AMOTL1: variants seen among roughly 807,000 people sequenced by gnomAD.
AMOTL1 encodes angiomotin-like protein 1.
In AMOTL1, 45 loss-of-function variants were observed where a neutral mutation model predicts 102.9. That is an observed-to-expected ratio of 0.44 (90% CI 0.34 to 0.56). AMOTL1 has a LOEUF of 0.56. AMOTL1 is among the 20% of genes least tolerant of loss of function. The pLI, the probability that AMOTL1 is intolerant of heterozygous loss-of-function variation, is 0.01. For synonymous variants in AMOTL1, 481 were observed against 484.7 expected (o/e 0.99, Z 0.10); for missense variants, 1,114 against 1,225.6 (o/e 0.91, Z 1.36).
chr11:94,751,351 C>T (rs1388475098), intron 3 of AMOTL1, among the ~76,000 whole-genome samples: 1 of 152,030 alleles, frequency 6.6e-6, no homozygotes, highest in South Asian at 2.1e-4. Flanking sequence ...CTGCCCTTTC[C>T]ATCCATTCAT....
At chr11:94,813,833 C>G (rs1054385830) in intron 3 of AMOTL1, among the ~76,000 whole-genome samples, 2 of 152,182 alleles carry the variant, frequency 1.3e-5, no homozygotes, top group African/African-American at 4.8e-5. Context: ...CTGGCTAAAT[C>G]CTACAATAAT....
chr11:94,837,768 A>G lies in AMOTL1; in HGVS notation c.1648+6227A>G, dbSNP rs77794338. ...ATGTGTTGATGTCTGGCCTTTAACAACTACACATGGGTTATGATTTTCACG... is the reference window on the plus strand; with the variant it reads ...ATGTGTTGATGTCTGGCCTTTAACAGCTACACATGGGTTATGATTTTCACG... On this transcript the variant is annotated intron_variant, in intron 6 of 12. Transcript: ENST00000433060. 3.5e-3 allele frequency among the ~76,000 whole-genome samples: 537 copies of G among 152,278 alleles called. 9 individuals are homozygous for G. The highest frequency in any genetic ancestry group is 0.012 in the African/African-American group (484 of 41,568).
intron 10 of AMOTL1, among the ~76,000 whole-genome samples, chr11:94,865,399 A>T (rs1952860652): frequency 6.6e-6 from 1 of 152,198 alleles, no homozygotes; most frequent in South Asian, 2.1e-4. Context: ...TATTTTGCAG[A>T]TGTGAAAATA....
At chr11:94,848,232 T>C (rs1401452897) in intron 6 of AMOTL1, among the ~76,000 whole-genome samples, 3 of 152,184 alleles carry the variant, frequency 2.0e-5, no homozygotes, top group Non-Finnish European at 4.4e-5. Context: ...TTTAGGTCTC[T>C]CACATGCCTG....
intron 3 of AMOTL1, among the ~76,000 whole-genome samples, chr11:94,817,913 T>C (rs950178374): frequency 3.3e-5 from 5 of 152,244 alleles, no homozygotes; most frequent in African/African-American, 1.2e-4. Flanking sequence ...GCTAATTCTT[T>C]TGTTTCTGCA....
At chr11:94,857,866 G>A (rs1446571585) in intron 8 of AMOTL1, among the ~76,000 whole-genome samples, 1 of 152,034 alleles carries the variant, frequency 6.6e-6, no homozygotes, top group Non-Finnish European at 1.5e-5. Flanking sequence ...CGTCTAGATG[G>A]CTGAATGGGC....
chr11:94,721,043 A>C (rs1950167703), intron 1 of AMOTL1, among the ~76,000 whole-genome samples: 1 of 152,120 alleles, frequency 6.6e-6, no homozygotes, highest in Admixed American at 6.5e-5. Flanking sequence ...ATATGTAGAG[A>C]TCTCTGAACA....
rs141517002 is a variant in AMOTL1, at chr11:94,751,964, G to T, written c.136+10976G>T. On this transcript the variant is annotated intron_variant, in intron 3 of 4. Coordinates refer to the AMOTL1 transcript ENST00000299004. ...TATTTCATCAGTTGTTAAGCACTAA[G>T]GGAGTCTAAAGAGTGTATAAATTAC... 2.2e-3 allele frequency among the ~76,000 whole-genome samples: 333 copies of T among 152,256 alleles called. 1 individual carries two copies. The highest frequency in any genetic ancestry group is 6.6e-3 in the African/African-American group (275 of 41,542).
intron 2 of AMOTL1, among the ~76,000 whole-genome samples, chr11:94,733,600 C>G (rs1185692539): frequency 6.6e-6 from 1 of 152,228 alleles, no homozygotes; most frequent in East Asian, 1.9e-4. Flanking sequence ...AGAAGCAATT[C>G]CCCCTCAGGC....
At chr11:94,741,231 C>CGT (rs112559276) in intron 3 of AMOTL1, among the ~76,000 whole-genome samples, 66 of 149,282 alleles carry the variant, frequency 4.4e-4, no homozygotes, top group African/African-American at 1.0e-3. Context: ...CGTGCGTGTG[C>CGT]GTGTGTGTGT....
intron 6 of AMOTL1, among the ~76,000 whole-genome samples, chr11:94,849,735 A>G (rs1952491251): frequency 6.6e-6 from 1 of 152,164 alleles, no homozygotes; most frequent in Admixed American, 6.5e-5. Flanking sequence ...TATTATTAAT[A>G]TTACCCACCC....
At position 94,843,292 on chromosome 11, in the gene AMOTL1, T is replaced by C. The variant is rs558765787; in HGVS notation, c.1649-6822T>C. On this transcript the variant is annotated intron_variant, in intron 6 of 12. Coordinates refer to ENST00000433060, the MANE Select transcript of AMOTL1 (RefSeq NM_130847.3). ...CTCATGTGAATAGATCACTCGTATG[T>C]GTTGTAACCAGTGCTCTTTTTGGAT... Among the ~76,000 whole-genome samples the C allele has an allele frequency of 6.6e-5, 10 of 152,376 alleles. No individual in the cohort carries two copies. In the East Asian group the frequency reaches 1.7e-3, roughly 26 times the overall value.
At chr11:94,727,898 C>T (rs1373007161) in intron 1 of AMOTL1, among the ~76,000 whole-genome samples, 1 of 152,098 alleles carries the variant, frequency 6.6e-6, no homozygotes, top group African/African-American at 2.4e-5. Context: ...CATATTTTTC[C>T]AGGCAGATAG....
intron 3 of AMOTL1, among the ~76,000 whole-genome samples, chr11:94,816,003 T>C (rs1951758893): frequency 6.6e-6 from 1 of 152,178 alleles, no homozygotes. Flanking sequence ...TATAATGGTC[T>C]TTCTAGAGAT....
At chr11:94,775,804 C>A (rs1346774579) in intron 1 of AMOTL1, among the ~76,000 whole-genome samples, 1 of 152,200 alleles carries the variant, frequency 6.6e-6, no homozygotes, top group African/African-American at 2.4e-5. Context: ...TGTACCACAT[C>A]TCCCTTGGAG....
intron 1 of AMOTL1, among the ~76,000 whole-genome samples, chr11:94,721,623 C>A: frequency 6.6e-6 from 1 of 152,170 alleles, no homozygotes. Context: ...TGGTCATCAG[C>A]AACCTAGGAA....
chr11:94,803,543 A>G (rs1434281052), intron 3 of AMOTL1, among the ~76,000 whole-genome samples: 2 of 152,230 alleles, frequency 1.3e-5, no homozygotes, highest in African/African-American at 4.8e-5. Flanking sequence ...ATGGATAAGA[A>G]TGAGGACAAG....
Position 94,876,236 on chromosome 11 carries a change from T to G in AMOTL1, c.*5441T>G, listed in dbSNP as rs987780599. 6 of 152,106 alleles carry G rather than the reference T, an allele frequency of 3.9e-5. No individual in the cohort carries two copies. Among genetic ancestry groups the G allele is most frequent in the Non-Finnish European group, 7.4e-5 (5 of 67,844 alleles). 9.4% of individuals were successfully genotyped at this position (152,106 alleles called of 1,614,324 possible). A position where few individuals can be genotyped will look rare whatever the true frequency, so the allele number is the denominator to read the frequency against. ...AATCAAGGTGTTTTTTTGTTTTTTG[T>G]TTTTTTTCCTTTTGAGGAGGAACAG... On this transcript the variant is annotated 3_prime_UTR_variant, in exon 13 of 13. Coordinates refer to ENST00000433060, the MANE Select transcript of AMOTL1 (RefSeq NM_130847.3).
At chr11:94,853,080 G>C (rs1952579095) in intron 7 of AMOTL1, among the ~76,000 whole-genome samples, 1 of 152,054 alleles carries the variant, frequency 6.6e-6, no homozygotes, top group African/African-American at 2.4e-5. Context: ...TGACATTATA[G>C]AATAAGCATT....
Sources: gnomAD v4.1 joint callset for allele counts (sites outside exome capture counted in the v4.1 genomes callset) on GRCh38, gnomAD v4.1.1 for gene constraint, MANE v1.5 for transcripts, NCBI Gene and HGNC (gene_info 2026-07-23, HGNC 2026-07-21) for gene names.